Variants in SLC2A5 observed in about 807,000 individuals in gnomAD.
SLC2A5 encodes the protein solute carrier family 2, facilitated glucose transporter member 5.
Under a neutral mutation model 50.3 loss-of-function variants are expected in SLC2A5, and 56 were observed. That is an observed-to-expected ratio of 1.11 (90% confidence interval 0.90 to 1.39). The LOEUF is 1.39. SLC2A5 is among the 40% of genes most tolerant of loss of function. The pLI is 0.00. For missense variants in SLC2A5, 566 were observed against 650.1 expected (o/e 0.87, Z 1.41); for synonymous variants, 269 against 281.9 (o/e 0.95, Z 0.46).
At chr1:9,081,279 ACC>A (rs66786949) in intron 2 of SLC2A5, among the ~76,000 whole-genome samples, 17 of 93,322 alleles carry the variant, frequency 1.8e-4, no homozygotes, top group South Asian at 7.3e-4. Context: ...AAAAAAAAAA[ACC>A]CCAAAAAAAA....
At chr1:9,056,834 AT>A (rs1263919098) in intron 3 of SLC2A5, among the ~76,000 whole-genome samples, 1 of 152,184 alleles carries the variant, frequency 6.6e-6, no homozygotes, top group African/African-American at 2.4e-5. Flanking sequence ...AAAGGGCAGT[AT>A]GAGCAGAAGC....
chr1:9,065,053 C>CA (rs199947177), intron 1 of SLC2A5, among the ~76,000 whole-genome samples: 4,915 of 107,126 alleles, frequency 0.046, 191 homozygotes, highest in African/African-American at 0.1. Flanking sequence ...GATTCTGTCT[C>CA]AAAAAAAAAA....
At chr1:9,074,038 C>T (rs1220713514), upstream of SLC2A5, among the ~76,000 whole-genome samples, 3 of 151,870 alleles carry the variant, frequency 2.0e-5, no homozygotes, top group East Asian at 5.8e-4. Context: ...TGAGATCAAA[C>T]CACTGCACTT....
Position 9,047,512 on chromosome 1 carries a change from C to T in SLC2A5, c.418+98G>A, listed in dbSNP as rs13306772. 4,985 of 1,300,202 alleles carry T rather than the reference C, an allele frequency of 3.8e-3. 78 individuals are homozygous for T. In the East Asian group the frequency reaches 0.045, roughly 12 times the overall value. The allele number at this position is 1,300,202 out of a possible 1,614,324, so 80.5% of individuals were successfully genotyped here. The stretch of plus-strand genomic sequence containing the variant: ...CAGAGGTATAGGAACGCTTTCTACA[C>T]GCTTCAGACATCACAGATTGGTTCT... On this transcript the variant is annotated intron_variant, in intron 4 of 11. Transcript: ENST00000377424.
At chr1:9,071,208 G>C (rs1028647624), upstream of SLC2A5, among the ~76,000 whole-genome samples, 1 of 152,164 alleles carries the variant, frequency 6.6e-6, no homozygotes, top group Non-Finnish European at 1.5e-5. Context: ...TCAGGAGTTC[G>C]AGACCAGTCT....
chr1:9,062,306 AGAGGTCTGGG>A (rs2124430482), intron 1 of SLC2A5, among the ~76,000 whole-genome samples: 1 of 152,312 alleles, frequency 6.6e-6, no homozygotes, highest in East Asian at 1.9e-4. Context: ...GGTTAAAAAG[AGAGGTCTGGG>A]GAGCAATATT....
upstream of SLC2A5, among the ~76,000 whole-genome samples, chr1:9,093,427 G>A (rs78853917): frequency 0.035 from 5,354 of 152,158 alleles, 328 homozygotes; most frequent in East Asian, 0.24. Flanking sequence ...AATCCTGGAG[G>A]AAAAGGAGGA....
Position 9,057,688 on chromosome 1 carries a change from A to G in SLC2A5, c.133-80T>C, listed in dbSNP as rs768107390. ...AGAACATTAGCTGTTAGGACACCCA[A>G]TGAAATAACCTGGGCACACAGAGAC... On this transcript the variant is annotated intron_variant, in intron 2 of 11. Coordinates refer to ENST00000377424, the MANE Select transcript of SLC2A5 (RefSeq NM_003039.3). 459 of 1,278,918 alleles carry G rather than the reference A, an allele frequency of 3.6e-4. 2 individuals are homozygous for G. Among genetic ancestry groups the G allele is most frequent in the Non-Finnish European group, 4.3e-4 (382 of 893,800 alleles). 79.2% of individuals were successfully genotyped at this position (1,278,918 alleles called of 1,614,324 possible).
Position 9,037,888 on chromosome 1 carries a change from C to A in SLC2A5, c.1302+9G>T. ...CTGGTGGTGAGCGTGGGCCCCGGGC[C>A]CCACTCACCTGGATGAACGGGAAGA... On this transcript the variant is annotated intron_variant, in intron 11 of 11. Coordinates refer to ENST00000377424, the MANE Select transcript of SLC2A5 (RefSeq NM_003039.3). 1.2e-6 allele frequency: 2 copies of A among 1,613,700 alleles called. No homozygotes were observed. The highest frequency in any genetic ancestry group is 2.2e-5 in the South Asian group (2 of 91,054).
At chr1:9,046,975 TTCTC>T (rs149740983) in intron 4 of SLC2A5, among the ~76,000 whole-genome samples, 113 of 148,264 alleles carry the variant, frequency 7.6e-4, no homozygotes, top group Non-Finnish European at 1.2e-3. Context: ...GCAGTTTCCC[TTCTC>T]TCTCTCTCTC....
intron 3 of SLC2A5, 25 bp downstream of exon 3, chr1:9,057,423 G>A: frequency 6.3e-7 from 1 of 1,584,594 alleles, no homozygotes; most frequent in Non-Finnish European, 8.6e-7. Flanking sequence ...GAGTTTCAGG[G>A]AATTAAAAAT....
At chr1:9,087,829 C>G (rs28485124) in intron 1 of SLC2A5, among the ~76,000 whole-genome samples, 6,375 of 152,190 alleles carry the variant, frequency 0.042, 267 homozygotes, top group East Asian at 0.16. Context: ...AGCACTTGCT[C>G]CCTCTTCCTT....
intron 8 of SLC2A5, among the ~76,000 whole-genome samples, chr1:9,039,130 C>T (rs3737662): frequency 6.6e-6 from 1 of 152,254 alleles, no homozygotes; most frequent in East Asian, 1.9e-4. Flanking sequence ...ACCCCAGCTG[C>T]CCACCCTTGA....
chr1:9,047,677 TC>T lies in SLC2A5; in HGVS notation c.350del (p.Gly117AspfsTer34). ...IFSIVPAILM[G>X]CSRVATSFEL... ...CAAATGATGTGGCGACTCTGCTGCA[TC>T]CCATTAAGATCGCAGGCACGATAGA... is the stretch of plus-strand genomic sequence containing the variant. On this transcript the variant is annotated frameshift_variant, in exon 4 of 12. Transcript: ENST00000377424. LOFTEE classifies it high-confidence loss of function. 6.2e-7 allele frequency: 1 copy of T among 1,614,064 alleles called. No homozygotes were observed. The highest frequency in any genetic ancestry group is 1.3e-5 in the African/African-American group (1 of 75,052).
chr1:9,058,398 CT>C, intron 1 of SLC2A5, 148 bp from the exon 2 acceptor site: 2 of 633,892 alleles, frequency 3.2e-6, no homozygotes, highest in East Asian at 2.9e-5. Flanking sequence ...CTCAACCCAC[CT>C]TGGGTTACAG....
At chr1:9,072,560 A>G (rs1642233886), upstream of SLC2A5, among the ~76,000 whole-genome samples, 1 of 152,176 alleles carries the variant, frequency 6.6e-6, no homozygotes, top group Admixed American at 6.6e-5. Flanking sequence ...TGGAGAAGAC[A>G]GAAGTAGATA....
At chr1:9,084,770 C>G (rs1346133080) in intron 2 of SLC2A5, among the ~76,000 whole-genome samples, 1 of 152,236 alleles carries the variant, frequency 6.6e-6, no homozygotes, top group Non-Finnish European at 1.5e-5. Flanking sequence ...GGAACCAGAC[C>G]ATCCTCCAGC....
intron 2 of SLC2A5, among the ~76,000 whole-genome samples, chr1:9,079,578 T>C (rs894315041): frequency 1.2e-4 from 18 of 152,210 alleles, no homozygotes; most frequent in Non-Finnish European, 2.4e-4. Flanking sequence ...ATTTGCCTCC[T>C]AGGCTCAAGT....
At chr1:9,037,871 G>T in intron 11 of SLC2A5, 26 bp downstream of exon 11, 5 of 1,613,742 alleles carry the variant, frequency 3.1e-6, no homozygotes, top group Non-Finnish European at 4.2e-6. Flanking sequence ...ATCTGGTGGT[G>T]AGCGTGGGCC....
Sources: allele counts gnomAD v4.1 joint callset (sites outside exome capture counted in the v4.1 genomes callset), GRCh38; gene constraint gnomAD v4.1.1; transcripts MANE v1.5; gene names NCBI Gene and HGNC (gene_info 2026-07-23, HGNC 2026-07-21).